Variants in FSTL5 observed in about 807,000 individuals in gnomAD.
FSTL5 encodes the protein follistatin like 5, also known as follistatin-related protein 5.
In FSTL5, 62 loss-of-function variants were observed where a neutral mutation model predicts 89.1. The observed-to-expected ratio is 0.70, with a 90% CI of 0.57 to 0.86. FSTL5 has a LOEUF of 0.86. Ranked by LOEUF, FSTL5 falls within the 40% of genes least tolerant of loss-of-function variation. The pLI is 0.00. For synonymous variants in FSTL5, 383 were observed against 346.2 expected (o/e 1.11, Z -1.18); for missense variants, 1,057 against 1,001.6 (o/e 1.06, Z -0.75).
chr4:162,052,999 T>C (rs1167867453), intron 2 of FSTL5, among the ~76,000 whole-genome samples: 1 of 151,692 alleles, frequency 6.6e-6, no homozygotes, highest in Non-Finnish European at 1.5e-5. Flanking sequence ...AAGAGTTACA[T>C]AGGGAATTGT....
intron 6 of FSTL5, among the ~76,000 whole-genome samples, chr4:161,687,397 T>A (rs962398483): frequency 6.6e-6 from 1 of 152,238 alleles, no homozygotes; most frequent in African/African-American, 2.4e-5. Flanking sequence ...ATTACCCTTA[T>A]GCATATATTT....
chr4:161,816,271 TG>T (rs1730323296), intron 4 of FSTL5, among the ~76,000 whole-genome samples: 1 of 152,246 alleles, frequency 6.6e-6, no homozygotes, highest in Non-Finnish European at 1.5e-5. Context: ...GTTTCATATT[TG>T]GGTTTTATAG....
chr4:161,545,564 C>T (rs1731975601), intron 8 of FSTL5, among the ~76,000 whole-genome samples: 1 of 151,872 alleles, frequency 6.6e-6, no homozygotes, highest in Non-Finnish European at 1.5e-5. Context: ...AAATACATGC[C>T]AATATCAGGG....
chr4:161,827,656 C>T (rs1730708273), intron 4 of FSTL5, among the ~76,000 whole-genome samples: 1 of 152,150 alleles, frequency 6.6e-6, no homozygotes, highest in Admixed American at 6.5e-5. Flanking sequence ...GGGCATGGTT[C>T]TCAGGCCAAT....
chr4:161,890,345 A>G (rs1437206404), intron 4 of FSTL5, among the ~76,000 whole-genome samples: 1 of 152,152 alleles, frequency 6.6e-6, no homozygotes, highest in Non-Finnish European at 1.5e-5. Flanking sequence ...ACGATAGTGC[A>G]AGTCCCTTTT....
chr4:161,636,468 T>C (rs914621675), intron 7 of FSTL5, among the ~76,000 whole-genome samples: 1 of 150,550 alleles, frequency 6.6e-6, no homozygotes, highest in Non-Finnish European at 1.5e-5. Flanking sequence ...TTCTTTTTTT[T>C]TTTTTTATTA....
intron 3 of FSTL5, among the ~76,000 whole-genome samples, chr4:161,960,211 GGC>G (rs1735138822): frequency 6.9e-6 from 1 of 145,190 alleles, no homozygotes; most frequent in Admixed American, 7.1e-5. Context: ...TTGTTGCCCA[GGC>G]TGGAGTACAA....
intron 4 of FSTL5, among the ~76,000 whole-genome samples, chr4:161,781,703 C>A (rs994609312): frequency 1.3e-5 from 2 of 152,140 alleles, no homozygotes; most frequent in African/African-American, 4.8e-5. Context: ...ATCATAGTTA[C>A]AATCGATGAA....
chr4:161,419,514 C>G (rs572893238), intron 15 of FSTL5, among the ~76,000 whole-genome samples: 2 of 152,208 alleles, frequency 1.3e-5, no homozygotes, highest in African/African-American at 4.8e-5. Context: ...TAAGGAATGT[C>G]TGTCCTGAGG....
At chr4:162,148,221 G>A (rs1733076624) in intron 1 of FSTL5, among the ~76,000 whole-genome samples, 1 of 152,010 alleles carries the variant, frequency 6.6e-6, no homozygotes, top group South Asian at 2.1e-4. Context: ...TAGGTGACTT[G>A]GTGAATAAAT....
intron 7 of FSTL5, among the ~76,000 whole-genome samples, chr4:161,624,286 C>T (rs1735236241): frequency 6.6e-6 from 1 of 151,896 alleles, no homozygotes; most frequent in Admixed American, 6.6e-5. Context: ...ACCTAAATGA[C>T]TTCTGATTCC....
intron 6 of FSTL5, among the ~76,000 whole-genome samples, chr4:161,753,623 A>G (rs1436541771): frequency 1.3e-5 from 2 of 152,200 alleles, no homozygotes. Context: ...CTAATGTAAT[A>G]TTCATTTTTA....
At chr4:161,860,235 A>C (rs564985701) in intron 4 of FSTL5, among the ~76,000 whole-genome samples, 47 of 152,136 alleles carry the variant, frequency 3.1e-4, no homozygotes, top group East Asian at 1.6e-3. Context: ...TTGCAGTGAG[A>C]GGAGATCGCG....
In FSTL5 at chr4:161,573,477, G is replaced by A. The variant is rs377133315; in HGVS notation, c.1015+13978C>T. ...AATAAAGCCAGGAGCGGTGGCTCAC[G>A]CCTGTAATCCCAGCACTTTGGGAGG... is the stretch of plus-strand genomic sequence containing the variant. On this transcript the variant is annotated intron_variant, in intron 8 of 15. Coordinates refer to ENST00000306100, the MANE Select transcript of FSTL5 (RefSeq NM_020116.5). Among the ~76,000 whole-genome samples, 63 of 150,272 alleles carry A rather than the reference G, an allele frequency of 4.2e-4. 1 individual carries two copies. The highest frequency in any genetic ancestry group is 5.8e-4 in the African/African-American group (24 of 41,130).
At chr4:161,758,656 T>G (rs1316783028) in intron 6 of FSTL5, among the ~76,000 whole-genome samples, 1 of 152,116 alleles carries the variant, frequency 6.6e-6, no homozygotes, top group Non-Finnish European at 1.5e-5. Flanking sequence ...TAGCTGGGAT[T>G]ACAGGCGCGC....
At chr4:161,401,360 T>C (rs756167261) in intron 15 of FSTL5, among the ~76,000 whole-genome samples, 2 of 152,214 alleles carry the variant, frequency 1.3e-5, no homozygotes, top group Non-Finnish European at 2.9e-5. Context: ...ATGATACTTA[T>C]ATTGTAAGTC....
At chr4:161,930,278 C>T (rs1415108096) in intron 3 of FSTL5, among the ~76,000 whole-genome samples, 1 of 151,800 alleles carries the variant, frequency 6.6e-6, no homozygotes, top group Non-Finnish European at 1.5e-5. Context: ...AAACTAAATT[C>T]TTAGCTTTGG....
intron 3 of FSTL5, among the ~76,000 whole-genome samples, chr4:161,923,309 A>AG: frequency 6.6e-6 from 1 of 151,716 alleles, no homozygotes; most frequent in East Asian, 1.9e-4. Flanking sequence ...TTTAAAAAAA[A>AG]TTAATGTACT....
intron 6 of FSTL5, among the ~76,000 whole-genome samples, chr4:161,666,995 G>GT (rs570057423): frequency 1.6e-4 from 25 of 152,022 alleles, no homozygotes; most frequent in African/African-American, 6.0e-4. Flanking sequence ...TTGAAATATT[G>GT]TTTTTTATTC....
Sources: gnomAD v4.1 joint callset for allele counts (sites outside exome capture counted in the v4.1 genomes callset) on GRCh38, gnomAD v4.1.1 for gene constraint, MANE v1.5 for transcripts, NCBI Gene and HGNC (gene_info 2026-07-23, HGNC 2026-07-21) for gene names.